The following XRCC4 variants were observed in gnomAD, a reference collection of about 807,000 sequenced individuals.
The protein encoded by XRCC4 is DNA repair protein XRCC4.
In XRCC4, 28 loss-of-function variants were observed where a neutral mutation model predicts 39.1. The ratio of observed to expected loss-of-function variants is 0.72; its 90% CI spans 0.53 to 0.98. XRCC4 has a LOEUF of 0.98. Ranked by LOEUF, XRCC4 falls within the 50% of genes least tolerant of loss-of-function variation. The pLI is 0.00. For missense variants in XRCC4, 350 were observed against 376.4 expected (o/e 0.93, Z 0.58); for synonymous variants, 123 against 126.4 (o/e 0.97, Z 0.18).
chr5:83,158,922 A>G (rs1561370455), intron 3 of XRCC4, among the ~76,000 whole-genome samples: 1 of 152,136 alleles, frequency 6.6e-6, no homozygotes, highest in Non-Finnish European at 1.5e-5. Flanking sequence ...AGATTGCTTT[A>G]CTTGTTCAAG....
intron 3 of XRCC4, among the ~76,000 whole-genome samples, chr5:83,123,578 ATC>A (rs1365801448): frequency 4.6e-5 from 7 of 151,760 alleles, no homozygotes; most frequent in Non-Finnish European, 1.0e-4. Flanking sequence ...AAAATCTACT[ATC>A]TCTGTTTGTT....
chr5:83,097,296 T>C (rs1044514272), intron 1 of XRCC4, among the ~76,000 whole-genome samples: 2 of 152,172 alleles, frequency 1.3e-5, no homozygotes, highest in African/African-American at 4.8e-5. Flanking sequence ...GGTAATTTTA[T>C]ATAGTTCCTA....
intron 6 of XRCC4, among the ~76,000 whole-genome samples, chr5:83,239,685 C>T (rs74452244): frequency 1.3e-4 from 20 of 151,892 alleles, no homozygotes; most frequent in African/African-American, 4.8e-4. Context: ...AAAAATTAGC[C>T]GGGCATGGTG....
At chr5:83,339,775 G>C (rs1315924932) in intron 7 of XRCC4, among the ~76,000 whole-genome samples, 1 of 152,176 alleles carries the variant, frequency 6.6e-6, no homozygotes, top group Non-Finnish European at 1.5e-5. Context: ...ACATTCCCAT[G>C]ATGGTTCTTT....
At chr5:83,103,775 G>A (rs570673577) in intron 1 of XRCC4, among the ~76,000 whole-genome samples, 2 of 152,248 alleles carry the variant, frequency 1.3e-5, no homozygotes, top group East Asian at 3.9e-4. Flanking sequence ...CAAACATAAT[G>A]TTGAGCAAAA....
intron 7 of XRCC4, among the ~76,000 whole-genome samples, chr5:83,348,176 C>T (rs1756974452): frequency 6.6e-6 from 1 of 152,158 alleles, no homozygotes; most frequent in Non-Finnish European, 1.5e-5. Flanking sequence ...GATGATGGAT[C>T]TGCCATTCTG....
At chr5:83,168,182 C>A (rs1248610747) in intron 3 of XRCC4, among the ~76,000 whole-genome samples, 2 of 152,028 alleles carry the variant, frequency 1.3e-5, no homozygotes, top group Non-Finnish European at 2.9e-5. Flanking sequence ...GGATTGTAAA[C>A]ATTGGAAAGC....
At chr5:83,273,167 A>G (rs1428369170) in intron 7 of XRCC4, among the ~76,000 whole-genome samples, 1 of 152,162 alleles carries the variant, frequency 6.6e-6, no homozygotes, top group Non-Finnish European at 1.5e-5. Flanking sequence ...GCATTTCTCT[A>G]ATGGCCAGTG....
chr5:83,127,448 T>G (rs1183328027), intron 3 of XRCC4, among the ~76,000 whole-genome samples: 3 of 152,112 alleles, frequency 2.0e-5, no homozygotes, highest in African/African-American at 7.2e-5. Flanking sequence ...CACTTGGTTC[T>G]CATTCTCTCT....
At chr5:83,146,492 G>C (rs1719380865) in intron 3 of XRCC4, among the ~76,000 whole-genome samples, 1 of 152,140 alleles carries the variant, frequency 6.6e-6, no homozygotes, top group Non-Finnish European at 1.5e-5. Context: ...GTCTGAATTG[G>C]ACAGAGAAAA....
chr5:83,225,697 C>G (rs1752261699), intron 6 of XRCC4, among the ~76,000 whole-genome samples: 1 of 150,812 alleles, frequency 6.6e-6, no homozygotes, highest in South Asian at 2.1e-4. Flanking sequence ...GTTTCAGCTT[C>G]CAAAAGGCTA....
chr5:83,152,718 T>C (rs939496679), intron 3 of XRCC4, among the ~76,000 whole-genome samples: 1 of 152,148 alleles, frequency 6.6e-6, no homozygotes, highest in Non-Finnish European at 1.5e-5. Flanking sequence ...ATCTATGTTC[T>C]TTTTAAAGTA....
intron 7 of XRCC4, among the ~76,000 whole-genome samples, chr5:83,288,571 G>A (rs1754810894): frequency 6.6e-6 from 1 of 151,732 alleles, no homozygotes; most frequent in Admixed American, 6.6e-5. Context: ...ATTCTAGGCT[G>A]GTGGGTTTCT....
At chr5:83,343,573 A>T (rs1756826482) in intron 7 of XRCC4, among the ~76,000 whole-genome samples, 1 of 152,186 alleles carries the variant, frequency 6.6e-6, no homozygotes, top group African/African-American at 2.4e-5. Context: ...AAGTGGAAAC[A>T]GCACAAGCTG....
Position 83,116,222 on chromosome 5 carries a change from A to G in XRCC4, c.315+5019A>G, listed in dbSNP as rs146780507. ...TGATACAAACATCTGATTGTTGCCA[A>G]AAATGACCTCCTAAACTTAGAAGAA... On this transcript the variant is annotated intron_variant, in intron 3 of 7. Coordinates refer to ENST00000396027, the MANE Select transcript of XRCC4 (RefSeq NM_003401.5). Among the ~76,000 whole-genome samples, 372 of 152,342 alleles carry G rather than the reference A, an allele frequency of 2.4e-3. 2 individuals are homozygous for G. The highest frequency in any genetic ancestry group is 8.5e-3 in the African/African-American group (355 of 41,582).
At chr5:83,279,395 C>CA (rs1754458236) in intron 7 of XRCC4, among the ~76,000 whole-genome samples, 1 of 152,058 alleles carries the variant, frequency 6.6e-6, no homozygotes, top group East Asian at 1.9e-4. Context: ...CGCACTATGG[C>CA]ACTGAATTAT....
intron 1 of XRCC4, among the ~76,000 whole-genome samples, chr5:83,091,741 A>T (rs1745439775): frequency 6.6e-6 from 1 of 150,402 alleles, no homozygotes; most frequent in African/African-American, 2.5e-5. Flanking sequence ...GTGTAGATGA[A>T]TTTTTTGGTA....
At chr5:83,129,406 G>A (rs553587533) in intron 3 of XRCC4, among the ~76,000 whole-genome samples, 1 of 152,034 alleles carries the variant, frequency 6.6e-6, no homozygotes, top group Non-Finnish European at 1.5e-5. Context: ...AAGTCAGGTA[G>A]CATGATGCCT....
chr5:83,200,687 T>C (rs1427979011), intron 4 of XRCC4, among the ~76,000 whole-genome samples: 2 of 152,182 alleles, frequency 1.3e-5, no homozygotes, highest in Non-Finnish European at 2.9e-5. Context: ...GATAAATTAC[T>C]AATTGGTTAC....
Sources: gnomAD v4.1 joint callset for allele counts (sites outside exome capture counted in the v4.1 genomes callset) on GRCh38, gnomAD v4.1.1 for gene constraint, MANE v1.5 for transcripts, NCBI Gene and HGNC (gene_info 2026-07-23, HGNC 2026-07-21) for gene names.